Variants in ITIH2 observed in about 807,000 individuals in gnomAD.
ITIH2 encodes inter-alpha-trypsin inhibitor heavy chain H2.
A neutral mutation model predicts 104.4 loss-of-function variants in ITIH2; 103 were observed. That is an observed-to-expected ratio of 0.99 (90% CI 0.84 to 1.16). The LOEUF (loss-of-function observed/expected upper bound fraction) is 1.16, where lower values mean the gene tolerates loss of function less well. ITIH2 is among the 50% of genes most tolerant of loss of function. ITIH2 has a pLI of 0.00. For synonymous variants in ITIH2, 436 were observed against 435.4 expected (o/e 1.00, Z -0.02); for missense variants, 1,108 against 1,162.4 (o/e 0.95, Z 0.68).
chr10:7,707,256 C>G (rs762984705), intron 3 of ITIH2, 23 bp downstream of exon 3: 1 of 1,565,344 alleles, frequency 6.4e-7, no homozygotes, highest in East Asian at 2.2e-5. Flanking sequence ...GATGTTGTTA[C>G]AGATTGAATG....
chr10:7,713,179 A>G lies in ITIH2; in HGVS notation c.363-2A>G. The G allele has an allele frequency of 6.2e-7, 1 of 1,610,834 alleles. No individual in the cohort carries two copies. Among genetic ancestry groups the G allele is most frequent in the Non-Finnish European group, 8.5e-7 (1 of 1,177,166 alleles). ...AACTGGTTACCTTCTGTCATTTTCT[A>G]GGACTGTGGACGGCAAGACATTTAG... On this transcript the variant is annotated splice_acceptor_variant, in intron 4 of 20. Coordinates refer to ENST00000358415, the MANE Select transcript of ITIH2 (RefSeq NM_002216.3). LOFTEE classifies it high-confidence loss of function.
At chr10:7,723,593 T>A (rs41290287) in intron 9 of ITIH2, 26 bp downstream of exon 9, 1 of 1,350,608 alleles carries the variant, frequency 7.4e-7, no homozygotes. Context: ...TTTGCAGTGG[T>A]TGGGGGGATT....
chr10:7,744,352 G>A, intron 18 of ITIH2, 72 bp downstream of exon 18: 1 of 1,233,760 alleles, frequency 8.1e-7, no homozygotes, highest in Non-Finnish European at 1.2e-6. Flanking sequence ...AGGCATCAGT[G>A]ACATCAACAT....
At chr10:7,717,531 C>T (rs770486788) in intron 5 of ITIH2, 95 bp from the exon 6 acceptor site, 133 of 1,131,764 alleles carry the variant, frequency 1.2e-4, no homozygotes, top group Non-Finnish European at 1.3e-4. Flanking sequence ...GCAGAACGGA[C>T]GGTCCAGGAA....
intron 6 of ITIH2, among the ~76,000 whole-genome samples, chr10:7,718,993 C>T (rs1251610747): frequency 6.6e-6 from 1 of 152,192 alleles, no homozygotes; most frequent in Non-Finnish European, 1.5e-5. Context: ...ATCTTTGTGA[C>T]ATCCTATGAC....
At chr10:7,748,204 G>GTATATATATT (rs1171324724) in intron 20 of ITIH2, among the ~76,000 whole-genome samples, 1 of 141,650 alleles carries the variant, frequency 7.1e-6, no homozygotes, top group African/African-American at 2.6e-5. Context: ...CATAAAATAT[G>GTATATATATT]TATATATATT....
chr10:7,741,679 G>C (rs1835126247), intron 16 of ITIH2, among the ~76,000 whole-genome samples: 1 of 152,168 alleles, frequency 6.6e-6, no homozygotes, highest in South Asian at 2.1e-4. Flanking sequence ...TTCCTAAAAT[G>C]AGGGTCAAGT....
intron 16 of ITIH2, among the ~76,000 whole-genome samples, chr10:7,739,233 C>T (rs1206310544): frequency 1.3e-5 from 2 of 152,176 alleles, no homozygotes; most frequent in African/African-American, 2.4e-5. Context: ...CAGCTCCTTG[C>T]GTTGCAGCCT....
chr10:7,718,578 G>C (rs1834873143), intron 6 of ITIH2, among the ~76,000 whole-genome samples: 1 of 151,990 alleles, frequency 6.6e-6, no homozygotes, highest in African/African-American at 2.4e-5. Flanking sequence ...TTGTTACACA[G>C]GTAAATTCCA....
intron 3 of ITIH2, among the ~76,000 whole-genome samples, chr10:7,708,777 T>C (rs1208920336): frequency 6.6e-6 from 1 of 152,134 alleles, no homozygotes; most frequent in Non-Finnish European, 1.5e-5. Context: ...TATAGACTCA[T>C]AGGGCTGAAA....
intron 20 of ITIH2, among the ~76,000 whole-genome samples, chr10:7,748,762 T>C (rs1835205926): frequency 6.6e-6 from 1 of 151,544 alleles, no homozygotes; most frequent in Non-Finnish European, 1.5e-5. Flanking sequence ...GCCAGGCTGG[T>C]CTTGAACTCC....
intron 5 of ITIH2, 55 bp downstream of exon 5, chr10:7,713,340 C>T: frequency 7.3e-7 from 1 of 1,371,288 alleles, no homozygotes; most frequent in Non-Finnish European, 1.0e-6. Flanking sequence ...GTTTCCTCTC[C>T]TACTTCCTTC....
At chr10:7,728,911 C>T (rs1430573887) in intron 11 of ITIH2, among the ~76,000 whole-genome samples, 1 of 152,116 alleles carries the variant, frequency 6.6e-6, no homozygotes, top group Non-Finnish European at 1.5e-5. Flanking sequence ...CTAGAATGAG[C>T]CAGTGTTATG....
chr10:7,727,656 G>C (rs201613595), intron 10 of ITIH2, 47 bp from the exon 11 acceptor site: 3 of 1,599,290 alleles, frequency 1.9e-6, no homozygotes, highest in Non-Finnish European at 2.6e-6. Context: ...GATTTTCTGC[G>C]TGTGGCGAGA....
rs758507296 is a variant in ITIH2, at chr10:7,717,617, C to T, written c.468-9C>T. ...TCTGTTGACTTTTGTTGGGGGCTTT[C>T]ACCTTTAGGAGCAGCGCTCTTGATA... On this transcript the variant is annotated splice_polypyrimidine_tract_variant and intron_variant, in intron 5 of 20. Transcript: ENST00000358415. The T allele has an allele frequency of 1.1e-5, 18 of 1,609,154 alleles. No individual in the cohort carries two copies. Among genetic ancestry groups the T allele is most frequent in the South Asian group, 8.8e-5 (8 of 90,960 alleles).
chr10:7,743,184 A>G lies in ITIH2; in HGVS notation c.2134A>G (p.Ser712Gly). Reference sequence around the variant, plus strand: ...ACATTTCATCATTTATCTACCAAAAAGCCAAAAGAACATTTGTTTCAATAT... The same window carrying G: ...ACATTTCATCATTTATCTACCAAAAGGCCAAAAGAACATTTGTTTCAATAT... ...DPHFIIYLPKSQKNICFNIDS... is the reference protein window; with the variant it reads ...DPHFIIYLPKGQKNICFNIDS... The change falls in exon 17 of 21, where the codon AGC becomes GGC. Residue 712 changes from serine (S) to glycine (G), a missense_variant. By Grantham distance (56) the Ser-to-Gly change is moderately conservative. Coordinates refer to ENST00000358415, the MANE Select transcript of ITIH2 (RefSeq NM_002216.3). 6.3e-7 allele frequency: 1 copy of G among 1,590,600 alleles called. No individual in the cohort carries two copies. The highest frequency in any genetic ancestry group is 1.8e-5 in the Admixed American group (1 of 56,192).
intron 8 of ITIH2, among the ~76,000 whole-genome samples, chr10:7,723,148 C>CGTGGCGTGGCGTGGAGTGAA (rs1554765893): frequency 2.2e-5 from 3 of 139,524 alleles, no homozygotes; most frequent in African/African-American, 8.2e-5. Context: ...CGTGGAGTGG[C>CGTGGCGTGGCGTGGAGTGAA]GTGGCGTGGA....
chr10:7,740,796 C>T (rs954779778), intron 16 of ITIH2, among the ~76,000 whole-genome samples: 3 of 152,142 alleles, frequency 2.0e-5, no homozygotes, highest in African/African-American at 7.2e-5. Context: ...ACCCTCCCTG[C>T]AGGGTGGATA....
intron 20 of ITIH2, among the ~76,000 whole-genome samples, chr10:7,747,974 G>A (rs1038287784): frequency 6.6e-6 from 1 of 151,762 alleles, no homozygotes; most frequent in African/African-American, 2.4e-5. Context: ...GCAAGGCCTG[G>A]GTGGGTGGAT....
Sources: gnomAD v4.1 joint callset for allele counts (sites outside exome capture counted in the v4.1 genomes callset) on GRCh38, gnomAD v4.1.1 for gene constraint, MANE v1.5 for transcripts, NCBI Gene and HGNC (gene_info 2026-07-23, HGNC 2026-07-21) for gene names.